RBPMS: variants seen among roughly 807,000 people sequenced by gnomAD.
RBPMS encodes RNA binding protein, mRNA processing factor.
In RBPMS, 7 loss-of-function variants were observed where a neutral mutation model predicts 26.8. That is an observed-to-expected ratio of 0.26 (90% confidence interval 0.15 to 0.49). The LOEUF is 0.49. Ranked by LOEUF, RBPMS falls within the 20% of genes least tolerant of loss-of-function variation. RBPMS has a pLI of 0.98. For missense variants in RBPMS, 186 were observed against 250.0 expected, an observed-to-expected ratio of 0.74 and a Z score of 1.73; for synonymous variants, 96 against 93.3, an observed-to-expected ratio of 1.03 and a Z score of -0.17.
intron 4 of RBPMS, among the ~76,000 whole-genome samples, chr8:30,482,723 C>T (rs140837800): frequency 1.3e-5 from 2 of 152,288 alleles, no homozygotes; most frequent in Non-Finnish European, 2.9e-5. Flanking sequence ...TCTTTGGTCT[C>T]ATTAATCCAC....
intron 8 of RBPMS, among the ~76,000 whole-genome samples, chr8:30,568,020 C>T (rs1287478058): frequency 6.6e-5 from 10 of 152,206 alleles, no homozygotes; most frequent in Non-Finnish European, 1.3e-4. Flanking sequence ...GCCCCCAGGG[C>T]TGGAATGGAG....
At chr8:30,444,267 A>G (rs1486968643) in intron 1 of RBPMS, among the ~76,000 whole-genome samples, 1 of 152,258 alleles carries the variant, frequency 6.6e-6, no homozygotes, top group Non-Finnish European at 1.5e-5. Context: ...CTAAGGTAGC[A>G]CATAGTAACT....
At chr8:30,449,531 C>T (rs1814298027) in intron 1 of RBPMS, among the ~76,000 whole-genome samples, 1 of 152,136 alleles carries the variant, frequency 6.6e-6, no homozygotes, top group Non-Finnish European at 1.5e-5. Context: ...CCACCATGCC[C>T]AGCTAATTTT....
At chr8:30,465,241 C>T (rs998461999) in intron 1 of RBPMS, among the ~76,000 whole-genome samples, 2 of 152,196 alleles carry the variant, frequency 1.3e-5, no homozygotes, top group African/African-American at 4.8e-5. Context: ...TGTATACACA[C>T]ATATATCTAG....
intron 1 of RBPMS, among the ~76,000 whole-genome samples, chr8:30,458,568 A>G (rs1164405630): frequency 1.3e-5 from 2 of 152,192 alleles, no homozygotes; most frequent in Non-Finnish European, 2.9e-5. Flanking sequence ...TTCACAAGAA[A>G]AAAAAAACAA....
intron 1 of RBPMS, chr8:30,446,811 G>GTGTGTC (rs1813849793): frequency 1.1e-5 from 1 of 91,756 alleles, no homozygotes; most frequent in African/African-American, 5.7e-5. Context: ...GTGTGTGTGT[G>GTGTGTC]TGTGTGTGTG....
intron 5 of RBPMS, among the ~76,000 whole-genome samples, chr8:30,539,748 C>G (rs1825182308): frequency 6.6e-6 from 1 of 151,938 alleles, no homozygotes; most frequent in Non-Finnish European, 1.5e-5. Context: ...GCCTCAGCCT[C>G]CCAATTAGCT....
intron 6 of RBPMS, among the ~76,000 whole-genome samples, chr8:30,550,039 A>C (rs1486343425): frequency 6.6e-6 from 1 of 151,520 alleles, no homozygotes; most frequent in Non-Finnish European, 1.5e-5. Flanking sequence ...TTTAGTAGAG[A>C]CGGGGTTTCA....
chr8:30,430,613 T>C (rs986809376), intron 1 of RBPMS, among the ~76,000 whole-genome samples: 1 of 152,224 alleles, frequency 6.6e-6, no homozygotes, highest in Non-Finnish European at 1.5e-5. Context: ...GAGAGTAGTG[T>C]TTAAGTTCCT....
intron 1 of RBPMS, among the ~76,000 whole-genome samples, chr8:30,411,337 G>GGT (rs1809370262): frequency 6.6e-6 from 1 of 152,064 alleles, no homozygotes; most frequent in Non-Finnish European, 1.5e-5. Flanking sequence ...GACGGAGGGT[G>GGT]GTGTGTGTTC....
intron 2 of RBPMS, among the ~76,000 whole-genome samples, chr8:30,476,198 A>G (rs1817677208): frequency 2.4e-5 from 1 of 42,270 alleles, no homozygotes; most frequent in Non-Finnish European, 4.5e-5. Flanking sequence ...CAAATGAGGA[A>G]AATGAAACTT....
At chr8:30,504,220 T>C in intron 4 of RBPMS, 66 bp from the exon 5 acceptor site, 1 of 1,575,692 alleles carries the variant, frequency 6.3e-7, no homozygotes, top group South Asian at 1.1e-5. Context: ...TGTGTTTATT[T>C]TGTCACCATT....
chr8:30,504,598 A>G (rs559296686), intron 5 of RBPMS, among the ~76,000 whole-genome samples, 162 bp downstream of exon 5: 1 of 152,318 alleles, frequency 6.6e-6, no homozygotes, highest in African/African-American at 2.4e-5. Flanking sequence ...CAAATACAGC[A>G]ATCTTGTTTG....
chr8:30,531,694 G>A (rs775827363), intron 5 of RBPMS, among the ~76,000 whole-genome samples: 12 of 152,164 alleles, frequency 7.9e-5, no homozygotes, highest in Non-Finnish European at 1.8e-4. Context: ...TTATCTTACC[G>A]GAAAGTCAAC....
rs539432636 is a variant in RBPMS, at chr8:30,438,780, A to T, written c.67-35999A>T. On this transcript the variant is annotated intron_variant, in intron 1 of 8. Transcript: ENST00000397323. ...GAAGATGCGATCTTACTTTTTTTTT[A>T]TTTATTTTTTTTGAAATAGCCTTGC... Among the ~76,000 whole-genome samples the T allele has an allele frequency of 1.3e-4, 19 of 149,728 alleles. No homozygotes were observed. The East Asian group carries it at 3.3e-3, about 26-fold the overall frequency.
chr8:30,548,195 A>C (rs1826018585), intron 6 of RBPMS, among the ~76,000 whole-genome samples: 1 of 152,232 alleles, frequency 6.6e-6, no homozygotes, highest in South Asian at 2.1e-4. Flanking sequence ...GGAAACTTTC[A>C]TCTGTTGCTT....
intron 4 of RBPMS, among the ~76,000 whole-genome samples, chr8:30,482,205 G>T (rs888334140): frequency 6.6e-5 from 10 of 152,176 alleles, no homozygotes; most frequent in Non-Finnish European, 8.8e-5. Context: ...TAATTGATGA[G>T]TTAAAAACAT....
chr8:30,435,686 G>A (rs1563315812), intron 1 of RBPMS, among the ~76,000 whole-genome samples: 1 of 152,250 alleles, frequency 6.6e-6, no homozygotes, highest in African/African-American at 2.4e-5. Flanking sequence ...ACAAGCCTAT[G>A]TGGGGGTGGA....
At chr8:30,479,409 T>A in intron 4 of RBPMS, 32 bp downstream of exon 4, 1 of 1,481,520 alleles carries the variant, frequency 6.7e-7, no homozygotes, top group Non-Finnish European at 9.4e-7. Context: ...GTAGGGGGTT[T>A]CCATATGAGG....
Sources: allele counts gnomAD v4.1 joint callset (sites outside exome capture counted in the v4.1 genomes callset), GRCh38; gene constraint gnomAD v4.1.1; transcripts MANE v1.5; gene names NCBI Gene and HGNC (gene_info 2026-07-23, HGNC 2026-07-21).